Variants in MIPEP observed in about 807,000 individuals in gnomAD.
MIPEP encodes mitochondrial intermediate peptidase.
Under a neutral mutation model 90.3 loss-of-function variants are expected in MIPEP, and 79 were observed. That is an observed-to-expected ratio of 0.87 (90% CI 0.73 to 1.05). The LOEUF (loss-of-function observed/expected upper bound fraction) is 1.05. Ranked by LOEUF, MIPEP falls within the 50% of genes least tolerant of loss-of-function variation. MIPEP has a pLI of 0.00. For synonymous variants in MIPEP, 334 were observed against 315.8 expected, an observed-to-expected ratio of 1.06 and a Z score of -0.61; for missense variants, 940 against 905.6, an observed-to-expected ratio of 1.04 and a Z score of -0.49.
chr13:23,801,189 G>A (rs2137392719), intron 16 of MIPEP, among the ~76,000 whole-genome samples: 1 of 152,332 alleles, frequency 6.6e-6, no homozygotes. Context: ...TGGCCCGCAT[G>A]GGAAGGCGCT....
At position 23,760,180 on chromosome 13, in the gene MIPEP, C is replaced by T. The variant is rs761135725; in HGVS notation, c.1886G>A (p.Gly629Asp). The T allele has an allele frequency of 1.2e-6, 2 of 1,614,084 alleles. No homozygotes were observed. The highest frequency in any genetic ancestry group is 1.7e-6 in the Non-Finnish European group (2 of 1,180,012). The change falls in exon 17 of 19, where the codon GGT becomes GAT. Residue 629 changes from glycine (G) to aspartate (D), a missense_variant. Coordinates refer to ENST00000382172, the MANE Select transcript of MIPEP (RefSeq NM_005932.4). ...QLRFSHLVGYGARYYSYLMSR... is the reference protein window; with the variant it reads ...QLRFSHLVGYDARYYSYLMSR... ...CATGAGGTAAGAGTAATATCTAGCACCATACCCCACGAGGTGGCTGAATCG... is the reference window on the plus strand; with the variant it reads ...CATGAGGTAAGAGTAATATCTAGCATCATACCCCACGAGGTGGCTGAATCG...
chr13:23,757,411 G>C (rs1952499938), intron 17 of MIPEP, among the ~76,000 whole-genome samples: 1 of 152,152 alleles, frequency 6.6e-6, no homozygotes, highest in Non-Finnish European at 1.5e-5. Context: ...TCTGTGGCCT[G>C]GGGGTTGGGG....
intron 17 of MIPEP, chr13:23,756,978 G>A: frequency 3.6e-6 from 1 of 275,714 alleles, no homozygotes; most frequent in Non-Finnish European, 6.9e-6. Flanking sequence ...CCACAGACGA[G>A]GGTTGATGGG....
At chr13:23,871,411 GC>G (rs1870802295) in intron 5 of MIPEP, among the ~76,000 whole-genome samples, 1 of 152,142 alleles carries the variant, frequency 6.6e-6, no homozygotes, top group Non-Finnish European at 1.5e-5. Context: ...GACAGGCTCT[GC>G]AGATGAATTT....
In MIPEP at chr13:23,862,314, A is replaced by T; in HGVS notation, c.1041T>A (p.Asn347Lys). Residue 347 changes from asparagine to lysine, a missense_variant, in exon 9 of 19, where the codon AAT becomes AAA. Coordinates refer to ENST00000382172, the MANE Select transcript of MIPEP (RefSeq NM_005932.4). ...EMIRGMKMKL[N>K]PQNSEVMPWD... ...CCAACATACTTACGGAATTTTGAGG[A>T]TTCAGTTTCATTTTCATCCCTCGTA... The T allele has an allele frequency of 6.4e-7, 1 of 1,553,396 alleles. No individual in the cohort carries two copies. Among genetic ancestry groups the T allele is most frequent in the Non-Finnish European group, 8.8e-7 (1 of 1,131,920 alleles).
intron 16 of MIPEP, among the ~76,000 whole-genome samples, chr13:23,785,302 T>C (rs1321792140): frequency 6.6e-6 from 1 of 152,114 alleles, no homozygotes; most frequent in African/African-American, 2.4e-5. Context: ...TGGAATACTA[T>C]GCAGCCATAA....
At chr13:23,770,417 G>A (rs1295174584) in intron 16 of MIPEP, among the ~76,000 whole-genome samples, 1 of 152,134 alleles carries the variant, frequency 6.6e-6, no homozygotes, top group Non-Finnish European at 1.5e-5. Flanking sequence ...TCTCTGATGA[G>A]TAAAAAAAGG....
intron 18 of MIPEP, among the ~76,000 whole-genome samples, chr13:23,754,184 G>C (rs1952468901): frequency 6.6e-6 from 1 of 152,096 alleles, no homozygotes; most frequent in African/African-American, 2.4e-5. Flanking sequence ...TAATACCCCA[G>C]TGTTAAGGCT....
At chr13:23,794,879 C>T (rs1267079299) in intron 16 of MIPEP, among the ~76,000 whole-genome samples, 2 of 152,104 alleles carry the variant, frequency 1.3e-5, no homozygotes, top group Non-Finnish European at 2.9e-5. Flanking sequence ...ATTTATAACA[C>T]TTCTGTGTTT....
At chr13:23,735,541 T>A (rs1421965247) in intron 18 of MIPEP, among the ~76,000 whole-genome samples, 1 of 152,190 alleles carries the variant, frequency 6.6e-6, no homozygotes, top group South Asian at 2.1e-4. Flanking sequence ...AATATAAATA[T>A]GACCTTGCTC....
At chr13:23,825,023 T>C (rs1051548720) in intron 14 of MIPEP, among the ~76,000 whole-genome samples, 1 of 152,224 alleles carries the variant, frequency 6.6e-6, no homozygotes, top group African/African-American at 2.4e-5. Context: ...GCGTCCATTA[T>C]TAAATTTGTC....
chr13:23,833,035 T>C (rs1013155067), intron 14 of MIPEP, among the ~76,000 whole-genome samples: 1 of 152,190 alleles, frequency 6.6e-6, no homozygotes, highest in African/African-American at 2.4e-5. Context: ...AAGTCACTGA[T>C]TATCCTCTAC....
At position 23,878,122 on chromosome 13, in the gene MIPEP, A is replaced by G. The variant is rs191151443; in HGVS notation, c.539+1146T>C. ...AAATAGAGATTATGAATAACCTTCT[A>G]TTTTTAACATTGTTTGTTGTTATGT... On this transcript the variant is annotated intron_variant, in intron 4 of 18. Transcript: ENST00000382172. Among the ~76,000 whole-genome samples the G allele has an allele frequency of 1.7e-3, 254 of 152,300 alleles. 3 individuals carry two copies. The highest frequency in any genetic ancestry group is 0.016 in the South Asian group (77 of 4,822).
At chr13:23,847,507 G>A (rs1179760331) in intron 10 of MIPEP, among the ~76,000 whole-genome samples, 3 of 149,148 alleles carry the variant, frequency 2.0e-5, no homozygotes, top group Admixed American at 6.7e-5. Context: ...CAGACATCAC[G>A]GATGTTGAGC....
At chr13:23,808,597 G>T (rs1019792551) in intron 15 of MIPEP, among the ~76,000 whole-genome samples, 2 of 152,042 alleles carry the variant, frequency 1.3e-5, no homozygotes, top group Admixed American at 1.3e-4. Context: ...CATTTTAAAA[G>T]AAAATTATCA....
chr13:23,878,618 C>T (rs950545296), intron 4 of MIPEP, among the ~76,000 whole-genome samples: 3 of 152,190 alleles, frequency 2.0e-5, no homozygotes, highest in Admixed American at 6.5e-5. Flanking sequence ...TAAGGACAAA[C>T]CCTACTCCAC....
chr13:23,821,276 G>C (rs189251134), intron 14 of MIPEP, among the ~76,000 whole-genome samples: 43 of 152,242 alleles, frequency 2.8e-4, no homozygotes, highest in Admixed American at 8.5e-4. Context: ...TTTAAACATG[G>C]ATTGAGAATT....
chr13:23,862,388 G>C, intron 8 of MIPEP, 26 bp from the exon 9 acceptor site: 1 of 1,366,878 alleles, frequency 7.3e-7, no homozygotes, highest in Non-Finnish European at 1.0e-6. Flanking sequence ...ATCATTACTT[G>C]TTAGGACAAA....
Position 23,870,119 on chromosome 13 carries a change from T to C in MIPEP, c.680A>G (p.Asn227Ser). The C allele has an allele frequency of 1.2e-6, 2 of 1,612,580 alleles. No individual in the cohort carries two copies. Among genetic ancestry groups the C allele is most frequent in the African/African-American group, 2.7e-5 (2 of 74,992 alleles). The part of the protein sequence containing the change: ...STFLMGTNFP[N>S]KIEKHLLPEH... ...TGGTAAGAGATGCTTCTCAATCTTGTTGGGAAAATTGGTTCCCATAAGAAA... is the reference window on the plus strand; with the variant it reads ...TGGTAAGAGATGCTTCTCAATCTTGCTGGGAAAATTGGTTCCCATAAGAAA... The change falls in exon 6 of 19, where the codon AAC becomes AGC. Residue 227 changes from asparagine (N) to serine (S), a missense_variant. Asn to Ser is a conservative substitution (Grantham distance 46). Transcript: ENST00000382172.
Sources: allele counts gnomAD v4.1 joint callset (sites outside exome capture counted in the v4.1 genomes callset), GRCh38; gene constraint gnomAD v4.1.1; transcripts MANE v1.5; gene names NCBI Gene and HGNC (gene_info 2026-07-23, HGNC 2026-07-21).